The following GRID2 variants were observed in gnomAD, a reference collection of about 807,000 sequenced individuals.
The protein encoded by GRID2 is glutamate receptor ionotropic, delta-2.
GRID2 carries 33 observed loss-of-function variants against 114.8 expected under a neutral mutation model. The ratio of observed to expected loss-of-function variants is 0.29; its 90% CI spans 0.22 to 0.38. The LOEUF is 0.38. Ranked by LOEUF, GRID2 falls within the 10% of genes least tolerant of loss-of-function variation. The probability of loss-of-function intolerance (pLI) is 1.00; values close to 1 mark genes in which losing one functional copy is unlikely to be tolerated. For missense variants in GRID2, 1,184 were observed against 1,257.7 expected, an observed-to-expected ratio of 0.94 and a Z score of 0.89; for synonymous variants, 505 against 449.9, an observed-to-expected ratio of 1.12 and a Z score of -1.55.
intron 2 of GRID2, among the ~76,000 whole-genome samples, chr4:92,787,952 T>C (rs560365924): frequency 6.6e-6 from 1 of 151,922 alleles, no homozygotes; most frequent in African/African-American, 2.4e-5. Context: ...GCTTTTAGGC[T>C]GTATAAATGG....
intron 2 of GRID2, among the ~76,000 whole-genome samples, chr4:92,772,298 A>G (rs944621078): frequency 6.6e-6 from 1 of 152,174 alleles, no homozygotes; most frequent in African/African-American, 2.4e-5. Flanking sequence ...CAGACTAACT[A>G]CATATCTCAA....
chr4:93,062,892 T>G lies in GRID2; in HGVS notation c.245-22103T>G, dbSNP rs540258819. The stretch of plus-strand genomic sequence containing the variant: ...ATTCTCATTTAGATCTTCACTATCT[T>G]TAAAAGACAATTTAAAATTGCATAT... On this transcript the variant is annotated intron_variant, in intron 2 of 15. Coordinates refer to ENST00000282020, the MANE Select transcript of GRID2 (RefSeq NM_001510.4). Among the ~76,000 whole-genome samples the G allele has an allele frequency of 3.9e-4, 60 of 152,104 alleles. No individual in the cohort carries two copies. The Middle Eastern group carries it at 0.017, about 43-fold the overall frequency.
intron 1 of GRID2, among the ~76,000 whole-genome samples, chr4:92,420,268 T>C (rs1174550227): frequency 6.6e-6 from 1 of 152,160 alleles, no homozygotes; most frequent in Non-Finnish European, 1.5e-5. Context: ...ATTTATTGCA[T>C]TTGTCTGGAA....
At chr4:92,306,747 G>C (rs949516286) in intron 1 of GRID2, among the ~76,000 whole-genome samples, 2 of 152,104 alleles carry the variant, frequency 1.3e-5, no homozygotes, top group Non-Finnish European at 2.9e-5. Context: ...GTATTTTTTA[G>C]TTTGTATACT....
intron 11 of GRID2, among the ~76,000 whole-genome samples, chr4:93,468,359 TAAC>T (rs925944055): frequency 6.8e-6 from 1 of 147,910 alleles, no homozygotes; most frequent in African/African-American, 2.4e-5. Context: ...TGGCAACAAA[TAAC>T]AGCCATAATA....
intron 2 of GRID2, among the ~76,000 whole-genome samples, chr4:92,689,251 TC>T (rs935603187): frequency 6.6e-6 from 1 of 152,180 alleles, no homozygotes; most frequent in Non-Finnish European, 1.5e-5. Flanking sequence ...AATTTATGTT[TC>T]CCCCTAAAAA....
intron 14 of GRID2, among the ~76,000 whole-genome samples, chr4:93,677,797 A>T (rs988075824): frequency 2.0e-5 from 3 of 152,318 alleles, no homozygotes; most frequent in East Asian, 3.9e-4. Flanking sequence ...CCAGCATCAA[A>T]GACCAAAAGT....
At position 92,501,642 on chromosome 4, in the gene GRID2, A is replaced by G. The variant is rs571108757; in HGVS notation, c.89-88489A>G. On this transcript the variant is annotated intron_variant, in intron 1 of 15. Transcript: ENST00000282020. The stretch of plus-strand genomic sequence containing the variant: ...CAGGTATCACTTCAAGCATCAGTGA[A>G]CAAATCATGCCAGCAGCCTCCAGCC... Among the ~76,000 whole-genome samples the G allele has an allele frequency of 2.0e-5, 3 of 152,250 alleles. No homozygotes were observed. The South Asian group carries it at 6.2e-4, about 32-fold the overall frequency.
chr4:93,433,465 A>C (rs1443158720), intron 10 of GRID2, among the ~76,000 whole-genome samples: 1 of 152,214 alleles, frequency 6.6e-6, no homozygotes, highest in Non-Finnish European at 1.5e-5. Context: ...AATAACAAAA[A>C]ACAGGTTCCT....
intron 2 of GRID2, among the ~76,000 whole-genome samples, chr4:92,679,972 C>G (rs1334739880): frequency 6.6e-6 from 1 of 151,268 alleles, no homozygotes; most frequent in Non-Finnish European, 1.5e-5. Context: ...GGAGGGTTCA[C>G]TGTATTTGAT....
chr4:93,411,546 C>T (rs1218035164), intron 9 of GRID2, among the ~76,000 whole-genome samples: 7 of 151,686 alleles, frequency 4.6e-5, no homozygotes, highest in Admixed American at 6.6e-5. Context: ...GCGATTCTCC[C>T]GCCTCAGCCT....
At chr4:92,634,355 T>A (rs998551568) in intron 2 of GRID2, among the ~76,000 whole-genome samples, 1 of 152,160 alleles carries the variant, frequency 6.6e-6, no homozygotes, top group Non-Finnish European at 1.5e-5. Flanking sequence ...AACTGTATTG[T>A]TCCTAGGGCA....
intron 2 of GRID2, among the ~76,000 whole-genome samples, chr4:92,740,723 GATAGATA>G (rs1736846410): frequency 6.8e-6 from 1 of 146,366 alleles, no homozygotes; most frequent in African/African-American, 2.7e-5. Context: ...TAGATAGATA[GATAGATA>G]GATAGATAGA....
chr4:93,626,512 T>C lies in GRID2; in HGVS notation c.2360+77T>C, dbSNP rs1467267139. The stretch of plus-strand genomic sequence containing the variant: ...ATATCCATTTGGTTACCAGATCTGG[T>C]TTATTACATTTTGTTTCCTTTGTTA... On this transcript the variant is annotated intron_variant, in intron 14 of 15. Coordinates refer to ENST00000282020, the MANE Select transcript of GRID2 (RefSeq NM_001510.4). 15 of 904,710 alleles carry C rather than the reference T, an allele frequency of 1.7e-5. No individual in the cohort carries two copies. The East Asian group carries it at 3.6e-4, about 22-fold the overall frequency. 56.0% of individuals were successfully genotyped at this position (904,710 alleles called of 1,614,324 possible).
chr4:93,700,456 T>G (rs890173417), intron 14 of GRID2, among the ~76,000 whole-genome samples: 1 of 152,156 alleles, frequency 6.6e-6, no homozygotes, highest in East Asian at 1.9e-4. Flanking sequence ...GAGAGATAGC[T>G]ATTATAATTT....
chr4:93,216,645 A>C lies in GRID2; in HGVS notation c.790-93A>C, dbSNP rs1579318286. 3 of 798,144 alleles carry C rather than the reference A, an allele frequency of 3.8e-6. No individual in the cohort carries two copies. The East Asian group carries it at 7.4e-5, about 20-fold the overall frequency. The allele number at this position is 798,144 out of a possible 1,614,324, so 49.4% of individuals were successfully genotyped here. A position where few individuals can be genotyped will look rare whatever the true frequency, so the allele number is the denominator to read the frequency against. On this transcript the variant is annotated intron_variant, in intron 5 of 15. Transcript: ENST00000282020. ...TAAAACCAATATATTACAGTAACAG[A>C]ATCCCTAACATTTACAGATAACAAC...
chr4:93,218,881 G>A (rs184349436), intron 6 of GRID2, among the ~76,000 whole-genome samples: 1 of 152,108 alleles, frequency 6.6e-6, no homozygotes, highest in African/African-American at 2.4e-5. Flanking sequence ...CAAGTGCTGA[G>A]CAAAAGGTGG....
intron 2 of GRID2, among the ~76,000 whole-genome samples, chr4:92,600,704 C>G (rs2149219222): frequency 6.6e-6 from 1 of 152,296 alleles, no homozygotes; most frequent in South Asian, 2.1e-4. Flanking sequence ...CCTCCCATAC[C>G]TGGAGGTGTC....
At chr4:93,315,059 G>A (rs977483323) in intron 8 of GRID2, among the ~76,000 whole-genome samples, 1 of 152,120 alleles carries the variant, frequency 6.6e-6, no homozygotes, top group Admixed American at 6.6e-5. Context: ...AACTTACAAT[G>A]ATGGCAGAAG....
Sources: allele counts gnomAD v4.1 joint callset (sites outside exome capture counted in the v4.1 genomes callset), GRCh38; gene constraint gnomAD v4.1.1; transcripts MANE v1.5; gene names NCBI Gene and HGNC (gene_info 2026-07-23, HGNC 2026-07-21).